Variants in ABL2 observed in about 807,000 individuals in gnomAD.
The protein encoded by ABL2 is tyrosine-protein kinase ABL2.
In ABL2, 49 loss-of-function variants were observed where a neutral mutation model predicts 107.7. The observed-to-expected ratio is 0.45, with a 90% CI of 0.36 to 0.58. ABL2 has a LOEUF of 0.58. Among genes scored for constraint, ABL2 ranks in the 20% least tolerant of loss-of-function variants. The pLI is 0.00. For synonymous variants in ABL2, 549 were observed against 548.6 expected (o/e 1.00, Z -0.01); for missense variants, 1,245 against 1,457.0 (o/e 0.85, Z 2.37).
rs933186968 is a variant in ABL2 at position 179,118,584 on chromosome 1, C to A, written c.1223+3G>T. On this transcript the variant is annotated splice_donor_region_variant and intron_variant, in intron 7 of 11. Coordinates refer to ENST00000502732, the MANE Select transcript of ABL2 (RefSeq NM_007314.4). Reference sequence around the variant, plus strand: ...TGGTTGGTCAGAGGTAAGTTTTACACACCTATGGATGAAATTCTTCTTCTC... The same window carrying A: ...TGGTTGGTCAGAGGTAAGTTTTACAAACCTATGGATGAAATTCTTCTTCTC... 6.2e-7 allele frequency: 1 copy of A among 1,611,070 alleles called. No individual in the cohort carries two copies. Among genetic ancestry groups the A allele is most frequent in the African/African-American group, 1.3e-5 (1 of 74,788 alleles).
intron 1 of ABL2, among the ~76,000 whole-genome samples, chr1:179,141,798 A>G (rs1657618684): frequency 6.6e-6 from 1 of 152,228 alleles, no homozygotes; most frequent in Admixed American, 6.5e-5. Flanking sequence ...CATTCTACCC[A>G]TTAGCACCAA....
intron 1 of ABL2, 74 bp downstream of exon 1, chr1:179,229,167 T>TCCCCCCCCCCCCCCCCCCCCCCCCCCC: frequency 5.0e-6 from 2 of 402,572 alleles, no homozygotes; most frequent in Non-Finnish European, 9.3e-6. Context: ...GGGCAGCCCG[T>TCCCCCCCCCCCCCCCCCCCCCCCCCCC]CCGCCACCCA....
intron 8 of ABL2, 30 bp downstream of exon 8, chr1:179,117,302 G>T (rs1182861399): frequency 1.9e-6 from 3 of 1,595,484 alleles, no homozygotes; most frequent in East Asian, 2.2e-5. Flanking sequence ...AAAATAAAAT[G>T]ACACAGAAAA....
At chr1:179,184,480 T>C (rs1660570146) in intron 1 of ABL2, 1 of 865,432 alleles carries the variant, frequency 1.2e-6, no homozygotes, top group Non-Finnish European at 1.8e-6. Flanking sequence ...GGTGCTCATA[T>C]GTTAGGAAAG....
In ABL2 at chr1:179,133,378, T is replaced by C. The variant is rs1416803602; in HGVS notation, c.158-4A>G. The stretch of plus-strand genomic sequence containing the variant: ...TCCACACAGCTGGCAAAGTGATCTA[T>C]TTAAGAAAAAAATTGACCACGTCAC... On this transcript the variant is annotated splice_region_variant and splice_polypyrimidine_tract_variant and intron_variant, in intron 1 of 11. Coordinates refer to ENST00000502732, the MANE Select transcript of ABL2 (RefSeq NM_007314.4). 5.0e-6 allele frequency: 8 copies of C among 1,614,022 alleles called. No individual in the cohort carries two copies. The Admixed American group carries it at 5.0e-5, about 10-fold the overall frequency.
chr1:179,122,086 C>T (rs1036813825), intron 4 of ABL2, among the ~76,000 whole-genome samples: 1 of 151,328 alleles, frequency 6.6e-6, no homozygotes, highest in Non-Finnish European at 1.5e-5. Context: ...GCCACCATGC[C>T]CGGCTAATTT....
intron 1 of ABL2, among the ~76,000 whole-genome samples, chr1:179,164,207 TAAGAGA>T (rs1659250121): frequency 6.6e-6 from 1 of 152,076 alleles, no homozygotes; most frequent in Non-Finnish European, 1.5e-5. Flanking sequence ...TTTTTTAAAT[TAAGAGA>T]AAAAAAGCAG....
Position 179,109,142 on chromosome 1 carries a change from C to T in ABL2, c.2125G>A (p.Glu709Lys), listed in dbSNP as rs373382925. The change falls in exon 12 of 12, where the codon GAG becomes AAG. Residue 709 changes from glutamate (E) to lysine (K), a missense_variant. Physicochemically the swap from Glu to Lys is moderately conservative, Grantham distance 56. Around this residue, in one of 3 missense-constraint regions of ABL2, gnomAD observed 761 missense variants for 766.4 expected, o/e 0.99. Transcript: ENST00000502732. ...CACTTGGGTGGCACCAGATTCGCCT[C>T]TTGCTGGGCAGGAGTGAAAGAGAAC... is the stretch of plus-strand genomic sequence containing the variant. ...DGFSFTPAQQ[E>K]ANLVPPKCYG... The T allele has an allele frequency of 1.2e-6, 2 of 1,613,380 alleles. No homozygotes were observed. The highest frequency in any genetic ancestry group is 1.3e-5 in the African/African-American group (1 of 74,680).
chr1:179,222,074 G>A (rs1571346522), intron 1 of ABL2: 1 of 191,688 alleles, frequency 5.2e-6, no homozygotes, highest in Middle Eastern at 5.1e-4. Flanking sequence ...TTTCTTCCAA[G>A]GAGATGATCA....
intron 1 of ABL2, 71 bp downstream of exon 1, chr1:179,229,170 G>GCCCCCCCCCCCCC: frequency 7.5e-6 from 2 of 266,256 alleles, no homozygotes; most frequent in East Asian, 9.4e-5. Context: ...CAGCCCGTCC[G>GCCCCCCCCCCCCC]CCACCCACCC....
chr1:179,143,611 T>G (rs1657776099), intron 1 of ABL2, among the ~76,000 whole-genome samples: 1 of 152,254 alleles, frequency 6.6e-6, no homozygotes, highest in African/African-American at 2.4e-5. Flanking sequence ...ACAATCTGGC[T>G]CTATAGCTTA....
rs137859710 is a variant in ABL2, at chr1:179,108,337, C to A, written c.2930G>T (p.Arg977Leu). 3.1e-6 allele frequency: 5 copies of A among 1,614,194 alleles called. No homozygotes were observed. The highest frequency in any genetic ancestry group is 4.2e-6 in the Non-Finnish European group (5 of 1,180,036). Residue 977 changes from arginine to leucine, a missense_variant, in exon 12 of 12, where the codon CGG becomes CTG. Coordinates refer to ENST00000502732, the MANE Select transcript of ABL2 (RefSeq NM_007314.4). The part of the protein sequence containing the change: ...TSSGDKDRPR[R>L]VKPKCAPPPP... ...GGGTGGGGCACACTTTGGTTTTACC[C>A]GTCGGGGTCGGTCCTTGTCTCCAGA...
chr1:179,163,370 TTGAG>T (rs1553226807), intron 1 of ABL2, among the ~76,000 whole-genome samples: 1 of 152,220 alleles, frequency 6.6e-6, no homozygotes, highest in Non-Finnish European at 1.5e-5. Context: ...AATCCCATTC[TTGAG>T]TATTTACACT....
At chr1:179,129,871 C>T (rs1159223636) in intron 3 of ABL2, among the ~76,000 whole-genome samples, 1 of 152,160 alleles carries the variant, frequency 6.6e-6, no homozygotes, top group Non-Finnish European at 1.5e-5. Flanking sequence ...ACTTTTAATT[C>T]TGTCCTATGT....
At chr1:179,207,168 CT>C (rs573654560) in intron 1 of ABL2, among the ~76,000 whole-genome samples, 1,569 of 141,620 alleles carry the variant, frequency 0.011, 17 homozygotes, top group African/African-American at 0.032. Context: ...TCTTTTCTTT[CT>C]TTTTTTTTTT....
At chr1:179,153,425 G>A (rs1465547306) in intron 1 of ABL2, among the ~76,000 whole-genome samples, 1 of 152,024 alleles carries the variant, frequency 6.6e-6, no homozygotes, top group African/African-American at 2.4e-5. Flanking sequence ...CAAAATAAAG[G>A]TGTCAGCGGG....
intron 1 of ABL2, among the ~76,000 whole-genome samples, chr1:179,177,368 C>T (rs1660109107): frequency 2.0e-5 from 3 of 152,212 alleles, no homozygotes; most frequent in Non-Finnish European, 4.4e-5. Context: ...ACAGCCAAGT[C>T]AAGTTCCAAG....
intron 1 of ABL2, among the ~76,000 whole-genome samples, chr1:179,190,621 G>GT (rs1313036567): frequency 6.6e-6 from 1 of 152,024 alleles, no homozygotes; most frequent in Non-Finnish European, 1.5e-5. Context: ...ATGGAGGGGG[G>GT]TGAGGGGGTG....
chr1:179,133,630 A>C (rs28914508), intron 1 of ABL2, among the ~76,000 whole-genome samples: 2,712 of 152,192 alleles, frequency 0.018, 91 homozygotes, highest in African/African-American at 0.061. Context: ...TTTTCTTTTG[A>C]CTGGCTGATT....
Sources: gnomAD v4.1 joint callset for allele counts (sites outside exome capture counted in the v4.1 genomes callset) on GRCh38, gnomAD v4.1.1 for gene constraint, gnomAD v4.1.1 regional missense constraint, MANE v1.5 for transcripts, NCBI Gene and HGNC (gene_info 2026-07-23, HGNC 2026-07-21) for gene names.